RTTN: variants seen among roughly 807,000 people sequenced by gnomAD.
RTTN encodes rotatin.
A neutral mutation model predicts 269.2 loss-of-function variants in RTTN; 182 were observed. The ratio of observed to expected loss-of-function variants is 0.68; its 90% CI spans 0.60 to 0.76. The LOEUF (loss-of-function observed/expected upper bound fraction) is 0.76, where lower values mean the gene tolerates loss of function less well. RTTN is among the 30% of genes least tolerant of loss of function. RTTN has a pLI of 0.00. For synonymous variants in RTTN, 1,006 were observed against 963.5 expected, an observed-to-expected ratio of 1.04 and a Z score of -0.82; for missense variants, 2,545 against 2,608.6, an observed-to-expected ratio of 0.98 and a Z score of 0.53.
intron 32 of RTTN, among the ~76,000 whole-genome samples, chr18:70,084,230 T>TA (rs5825989): frequency 6.0e-5 from 9 of 149,948 alleles, no homozygotes; most frequent in African/African-American, 1.7e-4. Context: ...TTCTCTTTGT[T>TA]AAAAAAAAAA....
intron 47 of RTTN, 48 bp from the exon 48 acceptor site, chr18:70,005,315 G>T: frequency 7.3e-7 from 1 of 1,364,472 alleles, no homozygotes; most frequent in Non-Finnish European, 1.0e-6. Flanking sequence ...TATGGATCAT[G>T]ATAGCAAAAC....
intron 37 of RTTN, among the ~76,000 whole-genome samples, chr18:70,054,687 GC>G (rs2057767687): frequency 6.6e-6 from 1 of 151,994 alleles, no homozygotes; most frequent in African/African-American, 2.4e-5. Context: ...ATAAAAATTA[GC>G]CGGGCCTGCA....
intron 40 of RTTN, among the ~76,000 whole-genome samples, chr18:70,040,992 G>A (rs1487258104): frequency 1.3e-5 from 2 of 152,104 alleles, no homozygotes; most frequent in Non-Finnish European, 2.9e-5. Context: ...GGCCAAGGTG[G>A]ACGGAACACC....
chr18:70,191,099 C>T lies in RTTN; in HGVS notation c.1008-380G>A, dbSNP rs561045008. Among the ~76,000 whole-genome samples, 44 of 150,720 alleles carry T rather than the reference C, an allele frequency of 2.9e-4. 1 individual carries two copies. Among genetic ancestry groups the T allele is most frequent in the South Asian group, 8.8e-4 (4 of 4,570 alleles). ...ATCCCAGCTACTGGGGAGGCTGAGG[C>T]GGGAGAATCTTCTGAGCCCAGGAGG... On this transcript the variant is annotated intron_variant, in intron 8 of 48. Transcript: ENST00000640769.
chr18:70,155,697 G>C (rs1266678563), intron 14 of RTTN, among the ~76,000 whole-genome samples: 1 of 152,238 alleles, frequency 6.6e-6, no homozygotes, highest in African/African-American at 2.4e-5. Flanking sequence ...GGCTGCAATG[G>C]GGCATGGCCA....
At chr18:70,173,884 T>C (rs902281228) in intron 11 of RTTN, among the ~76,000 whole-genome samples, 6 of 152,252 alleles carry the variant, frequency 3.9e-5, no homozygotes, top group Non-Finnish European at 1.5e-5. Context: ...ACAATAGTTA[T>C]GAACCTCAAG....
chr18:70,074,601 C>G (rs532441265), intron 33 of RTTN, among the ~76,000 whole-genome samples: 1 of 152,066 alleles, frequency 6.6e-6, no homozygotes, highest in African/African-American at 2.4e-5. Flanking sequence ...GATGTAAATA[C>G]TGTAAAATGT....
intron 42 of RTTN, among the ~76,000 whole-genome samples, chr18:70,029,345 A>G (rs1352678801): frequency 6.6e-6 from 1 of 152,108 alleles, no homozygotes; most frequent in Non-Finnish European, 1.5e-5. Context: ...CTATTCACAC[A>G]CTTTCATTTG....
chr18:70,150,166 T>A, intron 15 of RTTN, 79 bp from the exon 16 acceptor site: 1 of 804,162 alleles, frequency 1.2e-6, no homozygotes, highest in Non-Finnish European at 2.1e-6. Flanking sequence ...GAACATTTTA[T>A]AGCATGTGGA....
chr18:70,093,141 C>G (rs2145250158), intron 28 of RTTN, among the ~76,000 whole-genome samples: 1 of 152,136 alleles, frequency 6.6e-6, no homozygotes, highest in Admixed American at 6.5e-5. Context: ...GGAGCTGGAG[C>G]TTGCGGTGAG....
intron 28 of RTTN, among the ~76,000 whole-genome samples, chr18:70,108,136 G>A (rs2059370400): frequency 6.6e-6 from 1 of 152,136 alleles, no homozygotes; most frequent in Non-Finnish European, 1.5e-5. Context: ...AATTAGCTGT[G>A]CGTGGTGGCA....
chr18:70,032,103 G>A (rs1350899494), intron 40 of RTTN, among the ~76,000 whole-genome samples: 2 of 152,218 alleles, frequency 1.3e-5, no homozygotes, highest in African/African-American at 4.8e-5. Flanking sequence ...CTATAGCGGA[G>A]CATGGCCAAG....
intron 30 of RTTN, among the ~76,000 whole-genome samples, chr18:70,090,809 C>T (rs930758801): frequency 6.6e-6 from 1 of 152,220 alleles, no homozygotes; most frequent in Admixed American, 6.5e-5. Flanking sequence ...TGAAGACAGC[C>T]AAAGGGGTGG....
intron 17 of RTTN, among the ~76,000 whole-genome samples, chr18:70,148,133 T>C (rs1233328870): frequency 6.6e-6 from 1 of 152,168 alleles, no homozygotes; most frequent in Non-Finnish European, 1.5e-5. Flanking sequence ...TGTATTTTCC[T>C]GATGTAAGGT....
rs2057753968 is a variant in RTTN at position 70,054,249 on chromosome 18, G to A, written c.5067C>T (p.Ser1689=). 3 of 1,613,614 alleles carry A rather than the reference G, an allele frequency of 1.9e-6. No individual in the cohort carries two copies. Among genetic ancestry groups the A allele is most frequent in the South Asian group, 1.1e-5 (1 of 91,012 alleles). Reference sequence around the variant, plus strand: ...CCAATAAACATGACTGCAGAAGCCTGGACAAAGAGGATAGGTATTCCAGGA... The same window carrying A: ...CCAATAAACATGACTGCAGAAGCCTAGACAAAGAGGATAGGTATTCCAGGA... ...SFLLEYLSSL[S]RLLQSCLLVE... is the part of the protein sequence containing the mutation. The change falls in exon 38 of 49, where the codon TCC becomes TCT. Residue 1689 remains serine (S), a synonymous_variant. Coordinates refer to ENST00000640769, the MANE Select transcript of RTTN (RefSeq NM_173630.4).
rs5825993 is a variant in RTTN, at chr18:70,119,324, C to CAA, written c.3528+2230_3528+2231dup. On this transcript the variant is annotated intron_variant, in intron 26 of 48. Transcript: ENST00000640769. ...AAAAAACCTCATTTAAAATAGCTAC[C>CAA]AAAAAAAATTAAGATATTTAGGAAT... 1.8e-4 allele frequency among the ~76,000 whole-genome samples: 27 copies of CAA among 151,178 alleles called. No homozygotes were observed. The South Asian group carries it at 3.4e-3, about 19-fold the overall frequency.
At chr18:70,137,909 T>C (rs962362042) in intron 21 of RTTN, among the ~76,000 whole-genome samples, 19 of 152,210 alleles carry the variant, frequency 1.2e-4, no homozygotes, top group Admixed American at 1.1e-3. Flanking sequence ...GGGCCTAGCA[T>C]TGCACCTAGC....
At chr18:70,094,648 G>T (rs1263344964) in intron 28 of RTTN, among the ~76,000 whole-genome samples, 10 of 152,086 alleles carry the variant, frequency 6.6e-5, no homozygotes, top group Admixed American at 6.5e-4. Context: ...GGTCTGAGGG[G>T]CTGTTTGTTA....
Position 70,016,937 on chromosome 18 carries a change from C to T in RTTN, c.6421+470G>A, listed in dbSNP as rs559056241. Among the ~76,000 whole-genome samples, 10 of 151,934 alleles carry T rather than the reference C, an allele frequency of 6.6e-5. No homozygotes were observed. In the East Asian group the frequency reaches 7.7e-4, roughly 12 times the overall value. On this transcript the variant is annotated intron_variant, in intron 46 of 48. Coordinates refer to ENST00000640769, the MANE Select transcript of RTTN (RefSeq NM_173630.4). ...ATGAAACACATAATCTATCAGATGG[C>T]GATAATACTACGGAGGGAAACAAAA...
Sources: allele counts gnomAD v4.1 joint callset (sites outside exome capture counted in the v4.1 genomes callset), GRCh38; gene constraint gnomAD v4.1.1; transcripts MANE v1.5; gene names NCBI Gene and HGNC (gene_info 2026-07-23, HGNC 2026-07-21).